PRKG2: variants seen among roughly 807,000 people sequenced by gnomAD.
PRKG2 encodes protein kinase cGMP-dependent 2, also known as cGMP-dependent protein kinase 2.
PRKG2 carries 33 observed loss-of-function variants against 97.2 expected under a neutral mutation model. The ratio of observed to expected loss-of-function variants is 0.34; its 90% CI spans 0.26 to 0.45. The LOEUF (loss-of-function observed/expected upper bound fraction) is 0.45, where lower values mean the gene tolerates loss of function less well. Among genes scored for constraint, PRKG2 ranks in the 20% least tolerant of loss-of-function variants. The pLI, the probability that PRKG2 is intolerant of heterozygous loss-of-function variation, is 1.00. For missense variants in PRKG2, 638 were observed against 900.0 expected, an observed-to-expected ratio of 0.71 and a Z score of 3.73; for synonymous variants, 330 against 321.8, an observed-to-expected ratio of 1.03 and a Z score of -0.27.
chr4:81,178,979 G>T (rs1435413656), intron 2 of PRKG2, among the ~76,000 whole-genome samples: 2 of 151,760 alleles, frequency 1.3e-5, no homozygotes, highest in Non-Finnish European at 2.9e-5. Flanking sequence ...ACAAAAAATA[G>T]CTGGTCGTGG....
intron 2 of PRKG2, among the ~76,000 whole-genome samples, chr4:81,178,576 C>G (rs972751685): frequency 1.3e-5 from 2 of 151,472 alleles, no homozygotes; most frequent in African/African-American, 4.9e-5. Context: ...TGAAGCTTGA[C>G]ACGCAAAAGA....
At chr4:81,213,518 C>T (rs1383693270) in intron 1 of PRKG2, among the ~76,000 whole-genome samples, 1 of 152,012 alleles carries the variant, frequency 6.6e-6, no homozygotes, top group Non-Finnish European at 1.5e-5. Flanking sequence ...TCTGATTTGT[C>T]AAAGAGTGGG....
intron 6 of PRKG2, among the ~76,000 whole-genome samples, chr4:81,158,502 C>T (rs750211013): frequency 1.3e-5 from 2 of 149,182 alleles, no homozygotes; most frequent in Non-Finnish European, 1.5e-5. Flanking sequence ...GAATCAATAT[C>T]GTGAAAATGG....
intron 2 of PRKG2, among the ~76,000 whole-genome samples, chr4:81,176,476 G>A (rs1750940981): frequency 6.6e-6 from 1 of 152,004 alleles, no homozygotes; most frequent in African/African-American, 2.4e-5. Context: ...AATATATATT[G>A]AGAACATATC....
chr4:81,104,270 C>T, intron 17 of PRKG2, 100 bp downstream of exon 17: 2 of 731,172 alleles, frequency 2.7e-6, no homozygotes, highest in Admixed American at 3.3e-5. Flanking sequence ...ATTTGAAAGT[C>T]TGGAAAGGGA....
chr4:81,167,989 A>G (rs1426704062), intron 5 of PRKG2, among the ~76,000 whole-genome samples: 1 of 152,096 alleles, frequency 6.6e-6, no homozygotes, highest in Non-Finnish European at 1.5e-5. Flanking sequence ...TAACTTACAT[A>G]TGTACTATAT....
At chr4:81,181,991 C>CA (rs1048907864) in intron 2 of PRKG2, among the ~76,000 whole-genome samples, 1 of 151,568 alleles carries the variant, frequency 6.6e-6, no homozygotes, top group African/African-American at 2.4e-5. Flanking sequence ...CTATCCCACC[C>CA]AAAAAAGTCT....
In PRKG2 at chr4:81,159,020, T is replaced by G. The variant is rs1578443021; in HGVS notation, c.913-5299A>C. Among the ~76,000 whole-genome samples, 4 of 152,056 alleles carry G rather than the reference T, an allele frequency of 2.6e-5. No homozygotes were observed. The South Asian group carries it at 8.3e-4, about 32-fold the overall frequency. The stretch of plus-strand genomic sequence containing the variant: ...ACCATAAAAACCCTAGAAGAAAACC[T>G]AGGCATTACCATTCGGGACATAGGC... On this transcript the variant is annotated intron_variant, in intron 6 of 18. Transcript: ENST00000264399.
At chr4:81,118,718 T>C (rs1744789152) in intron 14 of PRKG2, among the ~76,000 whole-genome samples, 1 of 152,240 alleles carries the variant, frequency 6.6e-6, no homozygotes, top group African/African-American at 2.4e-5. Flanking sequence ...TTTACAAATA[T>C]TTTCTCCCAG....
At chr4:81,141,873 C>T (rs1368916787) in intron 11 of PRKG2, among the ~76,000 whole-genome samples, 1 of 152,162 alleles carries the variant, frequency 6.6e-6, no homozygotes, top group South Asian at 2.1e-4. Flanking sequence ...TCTGTCCCTG[C>T]CCCCATCAGA....
intron 2 of PRKG2, among the ~76,000 whole-genome samples, chr4:81,177,778 C>T (rs1170481903): frequency 1.3e-5 from 2 of 152,012 alleles, no homozygotes; most frequent in South Asian, 2.1e-4. Context: ...CTTCCTGCTC[C>T]CACAAAACAA....
intron 14 of PRKG2, among the ~76,000 whole-genome samples, chr4:81,131,903 G>C (rs1746218661): frequency 6.6e-6 from 1 of 151,976 alleles, no homozygotes. Context: ...TTTTCAAAGT[G>C]TTTATCGACC....
chr4:81,098,328 A>ACTT (rs60256433), intron 17 of PRKG2, among the ~76,000 whole-genome samples: 1 of 151,762 alleles, frequency 6.6e-6, no homozygotes, highest in Non-Finnish European at 1.5e-5. Context: ...GTGAGTTAAT[A>ACTT]AACTCCCTTT....
Position 81,135,314 on chromosome 4 carries a change from T to A in PRKG2, c.1635-18A>T. ...AGCTGCCTCTGCAACGAAATCATTT[T>A]CCCTCTTAATACTTTGGATACACAT... On this transcript the variant is annotated intron_variant, in intron 13 of 18. Coordinates refer to ENST00000264399, the MANE Select transcript of PRKG2 (RefSeq NM_006259.3). 1 of 1,611,190 alleles carries A rather than the reference T, an allele frequency of 6.2e-7. No homozygotes were observed. Among genetic ancestry groups the A allele is most frequent in the Non-Finnish European group, 8.5e-7 (1 of 1,178,500 alleles).
At chr4:81,137,121 G>A (rs889860716) in intron 13 of PRKG2, among the ~76,000 whole-genome samples, 39 of 148,070 alleles carry the variant, frequency 2.6e-4, no homozygotes, top group African/African-American at 9.5e-4. Context: ...TTTTTACCCT[G>A]ACTCTGCTTT....
chr4:81,100,747 A>G (rs551628479), intron 17 of PRKG2, among the ~76,000 whole-genome samples: 1 of 152,338 alleles, frequency 6.6e-6, no homozygotes, highest in East Asian at 1.9e-4. Context: ...GCTTCTGCAC[A>G]GCAAAAGAAA....
intron 14 of PRKG2, among the ~76,000 whole-genome samples, chr4:81,116,550 G>A (rs995516156): frequency 2.6e-5 from 4 of 152,122 alleles, no homozygotes; most frequent in African/African-American, 7.2e-5. Flanking sequence ...CCAATAATGA[G>A]ACTGTTGGGT....
At chr4:81,129,865 CCTG>C (rs1745991698) in intron 14 of PRKG2, among the ~76,000 whole-genome samples, 1 of 152,068 alleles carries the variant, frequency 6.6e-6, no homozygotes, top group Non-Finnish European at 1.5e-5. Context: ...TGAATTTGAT[CCTG>C]TCATTATGAT....
rs539118420 is a variant in PRKG2, at chr4:81,166,319, T to C, written c.912+842A>G. Among the ~76,000 whole-genome samples, 5 of 152,164 alleles carry C rather than the reference T, an allele frequency of 3.3e-5. No individual in the cohort carries two copies. The South Asian group carries it at 8.3e-4, about 25-fold the overall frequency. ...CTTGCAGGGTTTTGGGGGTTTTTTT[T>C]CCTCCCACTGAGAACAGCTTTATAA... On this transcript the variant is annotated intron_variant, in intron 6 of 18. Coordinates refer to ENST00000264399, the MANE Select transcript of PRKG2 (RefSeq NM_006259.3).
Sources: gnomAD v4.1 joint callset for allele counts (sites outside exome capture counted in the v4.1 genomes callset) on GRCh38, gnomAD v4.1.1 for gene constraint, MANE v1.5 for transcripts, NCBI Gene and HGNC (gene_info 2026-07-23, HGNC 2026-07-21) for gene names.